Variants in MAGI2 observed in about 807,000 individuals in gnomAD.
The protein encoded by MAGI2 is membrane associated guanylate kinase, WW and PDZ domain containing 2.
In MAGI2, 35 loss-of-function variants were observed where a neutral mutation model predicts 133.3. That is an observed-to-expected ratio of 0.26 (90% CI 0.20 to 0.35). The LOEUF (loss-of-function observed/expected upper bound fraction) is 0.35. MAGI2 is among the 10% of genes least tolerant of loss of function. The pLI is 1.00. For missense variants in MAGI2, 1,636 were observed against 1,863.4 expected (o/e 0.88, Z 2.25); for synonymous variants, 729 against 710.6 (o/e 1.03, Z -0.41).
intron 6 of MAGI2, among the ~76,000 whole-genome samples, chr7:78,375,796 T>C (rs57302030): frequency 0.82 from 123,575 of 151,396 alleles, 50,546 homozygotes; most frequent in Admixed American, 0.85. Context: ...CTAAATTTTC[T>C]TGTAAAAGTT....
intron 1 of MAGI2, among the ~76,000 whole-genome samples, chr7:79,298,417 T>C (rs1401192887): frequency 2.6e-5 from 4 of 152,092 alleles, no homozygotes; most frequent in Non-Finnish European, 4.4e-5. Flanking sequence ...AGTAAGTTCT[T>C]TTAGGAACAA....
intron 1 of MAGI2, among the ~76,000 whole-genome samples, chr7:79,356,593 A>G (rs914133715): frequency 6.6e-6 from 1 of 152,232 alleles, no homozygotes; most frequent in Non-Finnish European, 1.5e-5. Flanking sequence ...GACCTTCAAA[A>G]AAGAAAATAA....
intron 9 of MAGI2, among the ~76,000 whole-genome samples, chr7:78,339,232 A>C (rs1790098662): frequency 6.6e-6 from 1 of 152,194 alleles, no homozygotes; most frequent in African/African-American, 2.4e-5. Flanking sequence ...AGGCTCAGCA[A>C]GTTAAATGCA....
At chr7:78,647,949 G>A (rs1196617957) in intron 2 of MAGI2, among the ~76,000 whole-genome samples, 2 of 152,076 alleles carry the variant, frequency 1.3e-5, no homozygotes, top group Non-Finnish European at 2.9e-5. Context: ...TGAACAATGA[G>A]AACACATGGA....
At chr7:79,136,001 A>AAGAAAGAG (rs1821404772) in intron 1 of MAGI2, among the ~76,000 whole-genome samples, 1 of 35,770 alleles carries the variant, frequency 2.8e-5, no homozygotes, top group East Asian at 8.7e-4. Flanking sequence ...GAAAGAAAGA[A>AAGAAAGAG]AGAGAAAGAA....
chr7:79,061,345 C>T (rs189958493), intron 1 of MAGI2, among the ~76,000 whole-genome samples: 6 of 151,230 alleles, frequency 4.0e-5, no homozygotes, highest in East Asian at 1.9e-4. Context: ...ATATGACACT[C>T]GTTTCCTGTA....
chr7:78,654,950 G>A (rs1004713333), intron 2 of MAGI2, among the ~76,000 whole-genome samples: 8 of 151,502 alleles, frequency 5.3e-5, no homozygotes, highest in Admixed American at 4.6e-4. Flanking sequence ...TGCCTTGAAC[G>A]GGTCTGTTTT....
At chr7:79,144,585 G>GT (rs1401066203) in intron 1 of MAGI2, among the ~76,000 whole-genome samples, 2 of 152,122 alleles carry the variant, frequency 1.3e-5, no homozygotes, top group African/African-American at 4.8e-5. Context: ...AAATTACCCA[G>GT]TTTCAGCTAT....
rs149873969 is a variant in MAGI2, at chr7:78,326,736, T to C, written c.1408+17042A>G. 3.0e-3 allele frequency among the ~76,000 whole-genome samples: 452 copies of C among 152,332 alleles called. 1 individual carries two copies. The highest frequency in any genetic ancestry group is 5.2e-3 in the Non-Finnish European group (356 of 68,020). ...TTCCTTAATGATATCTTGGGAAGATTATTAACTTTTAAGTAACTTTTTGCT... is the reference window on the plus strand; with the variant it reads ...TTCCTTAATGATATCTTGGGAAGATCATTAACTTTTAAGTAACTTTTTGCT... On this transcript the variant is annotated intron_variant, in intron 9 of 21. Transcript: ENST00000354212.
intron 1 of MAGI2, among the ~76,000 whole-genome samples, chr7:79,378,904 T>C (rs1843556528): frequency 7.8e-6 from 1 of 128,064 alleles, no homozygotes; most frequent in Admixed American, 8.2e-5. Context: ...AAGTCTTCTT[T>C]TATATATATA....
At chr7:78,517,191 G>C (rs1002473531) in intron 4 of MAGI2, among the ~76,000 whole-genome samples, 4 of 152,064 alleles carry the variant, frequency 2.6e-5, no homozygotes, top group African/African-American at 7.2e-5. Flanking sequence ...AAGGTTTCCG[G>C]GGGATATAAA....
intron 1 of MAGI2, among the ~76,000 whole-genome samples, chr7:79,189,753 A>G (rs1277211140): frequency 6.6e-6 from 1 of 151,728 alleles, no homozygotes; most frequent in Non-Finnish European, 1.5e-5. Flanking sequence ...TCACTGCCCT[A>G]AAAATCCTCT....
chr7:78,178,215 G>C (rs994549147), intron 13 of MAGI2, 113 bp from the exon 14 acceptor site: 35 of 668,000 alleles, frequency 5.2e-5, no homozygotes, highest in Non-Finnish European at 7.7e-5. Context: ...TGAGAGTGCT[G>C]TTAGGGTCAA....
intron 1 of MAGI2, among the ~76,000 whole-genome samples, chr7:79,153,756 A>G (rs1235181332): frequency 6.6e-6 from 1 of 152,174 alleles, no homozygotes; most frequent in Non-Finnish European, 1.5e-5. Flanking sequence ...AATGGAGGAC[A>G]GGCTGAAGAG....
chr7:78,435,608 C>T (rs1451935445), intron 6 of MAGI2, among the ~76,000 whole-genome samples: 1 of 152,150 alleles, frequency 6.6e-6, no homozygotes, highest in East Asian at 1.9e-4. Flanking sequence ...TTGGAACCCA[C>T]ATGCCTGCAG....
chr7:79,168,889 G>GATAGATAGATATAT (rs1396243710), intron 1 of MAGI2, among the ~76,000 whole-genome samples: 2 of 14,632 alleles, frequency 1.4e-4, no homozygotes, highest in Non-Finnish European at 2.1e-4. Flanking sequence ...TCTAAAGATA[G>GATAGATAGATATAT]ATATATATAT....
At chr7:78,372,567 T>C (rs1400383110) in intron 6 of MAGI2, among the ~76,000 whole-genome samples, 1 of 152,032 alleles carries the variant, frequency 6.6e-6, no homozygotes, top group Non-Finnish European at 1.5e-5. Context: ...CAGGAAAAAA[T>C]AAACACTTGA....
intron 2 of MAGI2, among the ~76,000 whole-genome samples, chr7:78,877,979 C>T (rs1795556964): frequency 1.3e-5 from 2 of 152,076 alleles, no homozygotes; most frequent in South Asian, 4.2e-4. Flanking sequence ...TGTCTTATAT[C>T]CTCAAAATGA....
intron 2 of MAGI2, among the ~76,000 whole-genome samples, chr7:78,964,134 C>T (rs188476974): frequency 1.6e-3 from 239 of 151,526 alleles, no homozygotes; most frequent in African/African-American, 4.0e-3. Context: ...GGGGCATCTA[C>T]GCTCTTTTTT....
Sources: allele counts gnomAD v4.1 joint callset (sites outside exome capture counted in the v4.1 genomes callset), GRCh38; gene constraint gnomAD v4.1.1; transcripts MANE v1.5; gene names NCBI Gene and HGNC (gene_info 2026-07-23, HGNC 2026-07-21).